The following DDHD1 variants were observed in gnomAD, a reference collection of about 807,000 sequenced individuals.
DDHD1 encodes the protein phospholipase DDHD1.
DDHD1 carries 49 observed loss-of-function variants against 96.4 expected under a neutral mutation model. The observed-to-expected ratio is 0.51, with a 90% confidence interval of 0.40 to 0.64. The LOEUF (loss-of-function observed/expected upper bound fraction) is 0.64. DDHD1 is among the 30% of genes least tolerant of loss of function. DDHD1 has a pLI of 0.00. For missense variants in DDHD1, 1,106 were observed against 1,161.2 expected (o/e 0.95, Z 0.69); for synonymous variants, 442 against 446.5 (o/e 0.99, Z 0.13).
rs59383996 is a variant in DDHD1 at position 53,144,408 on chromosome 14, T to G, written c.838+7853A>C. ...AAGAAAGGTTCATTTCAGCAGTAGA[T>G]AGCCACATTGGAAGAATATGAGTCA... On this transcript the variant is annotated intron_variant, in intron 1 of 12. Coordinates refer to ENST00000673822, the MANE Select transcript of DDHD1 (RefSeq NM_001160148.2). 7.7e-3 allele frequency among the ~76,000 whole-genome samples: 1,173 copies of G among 152,338 alleles called. 17 individuals carry two copies. Among genetic ancestry groups the G allele is most frequent in the African/African-American group, 0.027 (1,118 of 41,574 alleles).
At chr14:53,133,624 G>A (rs1427415295) in intron 1 of DDHD1, among the ~76,000 whole-genome samples, 4 of 152,050 alleles carry the variant, frequency 2.6e-5, no homozygotes, top group Non-Finnish European at 2.9e-5. Flanking sequence ...CTCAGAATTC[G>A]GGCCTGTCCT....
Position 53,054,489 on chromosome 14 carries a change from C to G in DDHD1, c.2386G>C (p.Val796Leu). Reference protein sequence around the residue: ...KPVASPSATTVGTQTLPHSSS... With the variant: ...KPVASPSATTLGTQTLPHSSS... Reference sequence around the variant, plus strand: ...CTATGTGGAAGGGTCTGTGTCCCTACGGTGGTAGCAGAAGGTGAGGCAACT... The same window carrying G: ...CTATGTGGAAGGGTCTGTGTCCCTAGGGTGGTAGCAGAAGGTGAGGCAACT... Residue 796 changes from valine (V) to leucine (L), a missense_variant, in exon 11 of 13, where the codon GTA becomes CTA. Coordinates refer to ENST00000673822, the MANE Select transcript of DDHD1 (RefSeq NM_001160148.2). The G allele has an allele frequency of 6.2e-7, 1 of 1,614,094 alleles. No individual in the cohort carries two copies. Among genetic ancestry groups the G allele is most frequent in the Non-Finnish European group, 8.5e-7 (1 of 1,179,980 alleles).
rs552393785 is a variant in DDHD1 at position 53,104,856 on chromosome 14, C to G, written c.839-1000G>C. On this transcript the variant is annotated intron_variant, in intron 1 of 12. Transcript: ENST00000673822. Reference sequence around the variant, plus strand: ...TTATGTAGAATGCTGGTGGTTTAATCATATAAAGAGAAATTATTTCAAGTG... The same window carrying G: ...TTATGTAGAATGCTGGTGGTTTAATGATATAAAGAGAAATTATTTCAAGTG... Among the ~76,000 whole-genome samples the G allele has an allele frequency of 3.3e-5, 5 of 152,014 alleles. No individual in the cohort carries two copies. The South Asian group carries it at 1.0e-3, about 32-fold the overall frequency.
intron 1 of DDHD1, among the ~76,000 whole-genome samples, chr14:53,128,232 A>G (rs1293251839): frequency 7.2e-5 from 11 of 152,236 alleles, no homozygotes. Context: ...ATATTTCTTC[A>G]TAGCAGCATA....
At chr14:53,100,312 C>CA (rs1358491920) in intron 2 of DDHD1, among the ~76,000 whole-genome samples, 2 of 151,530 alleles carry the variant, frequency 1.3e-5, no homozygotes, top group Admixed American at 6.6e-5. Context: ...CCTGTCTCTA[C>CA]AAAAAATTTA....
At chr14:53,120,009 A>C (rs1888860746) in intron 1 of DDHD1, among the ~76,000 whole-genome samples, 1 of 152,198 alleles carries the variant, frequency 6.6e-6, no homozygotes, top group African/African-American at 2.4e-5. Flanking sequence ...GAGGAAATCA[A>C]ATTGTCTCTG....
At chr14:53,096,555 T>C (rs1886899589) in intron 2 of DDHD1, among the ~76,000 whole-genome samples, 1 of 152,036 alleles carries the variant, frequency 6.6e-6, no homozygotes, top group Admixed American at 6.5e-5. Context: ...TTTACAACAC[T>C]AAGGTTATTT....
chr14:53,037,530 T>G lies in DDHD1; in HGVS notation c.*9238A>C, dbSNP rs1881350833. 6.6e-6 allele frequency: 1 copy of G among 152,132 alleles called. No individual in the cohort carries two copies. Among genetic ancestry groups the G allele is most frequent in the South Asian group, 2.1e-4 (1 of 4,830 alleles). The allele number at this position is 152,132 out of a possible 1,614,324, so 9.4% of individuals were successfully genotyped here. On this transcript the variant is annotated 3_prime_UTR_variant, in exon 13 of 13. Transcript: ENST00000673822. ...TGAGCATTTTTTCACGTTTGTTGATTGCTTGTATGTCTTCTTTTGAGAAGT... is the reference window on the plus strand; with the variant it reads ...TGAGCATTTTTTCACGTTTGTTGATGGCTTGTATGTCTTCTTTTGAGAAGT...
chr14:53,147,384 A>C (rs1202808875), intron 1 of DDHD1, among the ~76,000 whole-genome samples: 1 of 152,234 alleles, frequency 6.6e-6, no homozygotes, highest in Non-Finnish European at 1.5e-5. Context: ...GACAGGGGTA[A>C]GAAAACCACA....
chr14:53,117,802 G>A lies in DDHD1; in HGVS notation c.839-13946C>T. Among the ~76,000 whole-genome samples the A allele has an allele frequency of 1.3e-5, 2 of 152,154 alleles. 1 individual carries two copies. ...GGCTGACAGCTCTGAAGGGAGTAGT[G>A]ATTCTCTCAGCAGGGCATTCGAACT... On this transcript the variant is annotated intron_variant, in intron 1 of 12. Coordinates refer to ENST00000673822, the MANE Select transcript of DDHD1 (RefSeq NM_001160148.2).
Position 53,152,836 on chromosome 14 carries a change from T to C in DDHD1, c.263A>G (p.Asn88Ser). 6.2e-7 allele frequency: 1 copy of C among 1,611,968 alleles called. No homozygotes were observed. The highest frequency in any genetic ancestry group is 2.2e-5 in the East Asian group (1 of 44,684). The change falls in exon 1 of 13, where the codon AAC (asparagine) becomes AGC (serine). Residue 88 changes from asparagine to serine, a missense_variant. Coordinates refer to ENST00000673822, the MANE Select transcript of DDHD1 (RefSeq NM_001160148.2). Reference sequence around the variant, plus strand: ...CGACTCGGCGGAGCTGAAGTCATAGTTCTCGTCACTGAGGCAGGGGTCCAG... The same window carrying C: ...CGACTCGGCGGAGCTGAAGTCATAGCTCTCGTCACTGAGGCAGGGGTCCAG... ...LALDPCLSDE[N>S]YDFSSAESGS...
At position 53,058,464 on chromosome 14, in the gene DDHD1, T is replaced by C. The variant is rs1241199136; in HGVS notation, c.1992+13A>G. On this transcript the variant is annotated intron_variant, in intron 9 of 12. Coordinates refer to ENST00000673822, the MANE Select transcript of DDHD1 (RefSeq NM_001160148.2). Reference sequence around the variant, plus strand: ...TGACATTGAGAAAAAAAAGAGTCTATATTGCAACTCACCACTGGATCTGTA... The same window carrying C: ...TGACATTGAGAAAAAAAAGAGTCTACATTGCAACTCACCACTGGATCTGTA... 4 of 1,601,896 alleles carry C rather than the reference T, an allele frequency of 2.5e-6. No individual in the cohort carries two copies. Among genetic ancestry groups the C allele is most frequent in the African/African-American group, 1.4e-5 (1 of 74,002 alleles).
Position 53,037,174 on chromosome 14 carries a change from T to C in DDHD1, c.*9594A>G, listed in dbSNP as rs1022558694. 6.2e-4 allele frequency: 95 copies of C among 152,284 alleles called. No homozygotes were observed. The highest frequency in any genetic ancestry group is 2.2e-3 in the African/African-American group (90 of 41,570). 9.4% of individuals were successfully genotyped at this position (152,284 alleles called of 1,614,324 possible). On this transcript the variant is annotated 3_prime_UTR_variant, in exon 13 of 13. Coordinates refer to ENST00000673822, the MANE Select transcript of DDHD1 (RefSeq NM_001160148.2). ...ACCACATTTTCTTTATCCAGTCCACTGTTGATGGGCAGCCACGTTGATCTG... is the reference window on the plus strand; with the variant it reads ...ACCACATTTTCTTTATCCAGTCCACCGTTGATGGGCAGCCACGTTGATCTG...
intron 1 of DDHD1, among the ~76,000 whole-genome samples, chr14:53,113,220 G>A (rs887746626): frequency 2.6e-5 from 4 of 151,484 alleles, no homozygotes; most frequent in Non-Finnish European, 5.9e-5. Context: ...TGCCTGCTTC[G>A]GCCTCCCAAA....
rs1161786631 is a variant in DDHD1 at position 53,152,538 on chromosome 14, C to G, written c.561G>C (p.Ser187=). Residue 187 remains serine (S), a synonymous_variant, in exon 1 of 13, where the codon TCG becomes TCC. Transcript: ENST00000673822. The stretch of plus-strand genomic sequence containing the variant: ...TCCGGAAGGCGAGCTCGATGCGGAG[C>G]GAGTCGTAGCCGATGAAGGGCTTCC... ...KTWKPFIGYD[S]LRIELAFRTL... 3.7e-6 allele frequency: 6 copies of G among 1,613,492 alleles called. No individual in the cohort carries two copies. Among genetic ancestry groups the G allele is most frequent in the Non-Finnish European group, 5.1e-6 (6 of 1,179,928 alleles).
intron 2 of DDHD1, among the ~76,000 whole-genome samples, chr14:53,099,739 A>G (rs1000509671): frequency 2.0e-5 from 3 of 152,220 alleles, no homozygotes; most frequent in African/African-American, 7.2e-5. Flanking sequence ...CCCAAGTGAA[A>G]CAGTAGGCTT....
intron 4 of DDHD1, among the ~76,000 whole-genome samples, chr14:53,091,438 G>C (rs1403914113): frequency 2.6e-5 from 4 of 152,190 alleles, no homozygotes; most frequent in Admixed American, 6.5e-5. Flanking sequence ...CAGCTTTGCA[G>C]TATTCTTAGT....
chr14:53,149,176 C>T (rs1171488430), intron 1 of DDHD1, among the ~76,000 whole-genome samples: 2 of 152,278 alleles, frequency 1.3e-5, no homozygotes, highest in Non-Finnish European at 2.9e-5. Context: ...ATTTTATCTG[C>T]TAGTCAAGTT....
At chr14:53,055,136 T>C (rs1215793067) in intron 10 of DDHD1, among the ~76,000 whole-genome samples, 1 of 152,190 alleles carries the variant, frequency 6.6e-6, no homozygotes, top group Non-Finnish European at 1.5e-5. Context: ...CCAAAGGCAA[T>C]GGACAGATTC....
Sources: allele counts gnomAD v4.1 joint callset (sites outside exome capture counted in the v4.1 genomes callset), GRCh38; gene constraint gnomAD v4.1.1; transcripts MANE v1.5; gene names NCBI Gene and HGNC (gene_info 2026-07-23, HGNC 2026-07-21).